BCAR3: variants seen among roughly 807,000 people sequenced by gnomAD.
The protein encoded by BCAR3 is breast cancer anti-estrogen resistance protein 3.
Under a neutral mutation model 80.1 loss-of-function variants are expected in BCAR3, and 37 were observed. That is an observed-to-expected ratio of 0.46 (90% CI 0.36 to 0.61). The LOEUF (loss-of-function observed/expected upper bound fraction) is 0.61. Ranked by LOEUF, BCAR3 falls within the 20% of genes least tolerant of loss-of-function variation. The pLI is 0.00. For missense variants in BCAR3, 978 were observed against 1,068.2 expected (o/e 0.92, Z 1.18); for synonymous variants, 389 against 418.9 (o/e 0.93, Z 0.87).
chr1:93,841,561 G>A (rs1219027232), intron 2 of BCAR3, among the ~76,000 whole-genome samples: 1 of 152,224 alleles, frequency 6.6e-6, no homozygotes, highest in Admixed American at 6.5e-5. Flanking sequence ...CCAGCCATGA[G>A]ATCTGGAATT....
At chr1:93,682,847 C>T (rs1457213129), upstream of BCAR3, among the ~76,000 whole-genome samples, 1 of 152,122 alleles carries the variant, frequency 6.6e-6, no homozygotes, top group Non-Finnish European at 1.5e-5. Flanking sequence ...GCCACCGCGC[C>T]CGGCCTCCAG....
intron 3 of BCAR3, among the ~76,000 whole-genome samples, chr1:93,688,580 TG>T (rs1353365724): frequency 1.2e-4 from 19 of 152,176 alleles, no homozygotes; most frequent in East Asian, 5.8e-4. Flanking sequence ...TATATATGTA[TG>T]TTTTTTTTTA....
intron 2 of BCAR3, among the ~76,000 whole-genome samples, chr1:93,744,797 G>C (rs1332846889): frequency 1.3e-5 from 2 of 152,208 alleles, no homozygotes; most frequent in Non-Finnish European, 2.9e-5. Context: ...AACGCAATGG[G>C]TTTCATGTCT....
intron 2 of BCAR3, among the ~76,000 whole-genome samples, chr1:93,784,368 C>T (rs922680749): frequency 6.6e-6 from 1 of 152,106 alleles, no homozygotes; most frequent in African/African-American, 2.4e-5. Context: ...GGAGCAGGAT[C>T]AAGTGGGGGA....
intron 2 of BCAR3, chr1:93,720,434 G>C (rs1043017841): frequency 6.6e-6 from 1 of 152,302 alleles, no homozygotes; most frequent in South Asian, 2.1e-4. Flanking sequence ...TAACTTTGGA[G>C]TATCCTTCTT....
chr1:93,833,004 C>T (rs1056592647), intron 2 of BCAR3, among the ~76,000 whole-genome samples: 9 of 152,102 alleles, frequency 5.9e-5, no homozygotes, highest in African/African-American at 2.2e-4. Flanking sequence ...CCTTACCATC[C>T]CATTAAAACC....
chr1:93,681,792 C>G lies in BCAR3; in HGVS notation c.-206G>C, dbSNP rs536939970. On this transcript the variant is annotated 5_prime_UTR_variant, in exon 1 of 12. Coordinates refer to ENST00000260502, the MANE Select transcript of BCAR3 (RefSeq NM_003567.4). ...CCGGTGCGCCCCGCAGCTCCGGCTC[C>G]GGTCCCGGCCCCGTCCCCCGCCCGG... The G allele has an allele frequency of 6.6e-6, 1 of 152,028 alleles. No homozygotes were observed. The highest frequency in any genetic ancestry group is 1.5e-5 in the Non-Finnish European group (1 of 68,034). The allele number at this position is 152,028 out of a possible 1,614,324, so 9.4% of individuals were successfully genotyped here. A position where few individuals can be genotyped will look rare whatever the true frequency, so the allele number is the denominator to read the frequency against.
At chr1:93,566,462 C>T (rs929609122) in intron 11 of BCAR3, among the ~76,000 whole-genome samples, 1 of 152,112 alleles carries the variant, frequency 6.6e-6, no homozygotes, top group Non-Finnish European at 1.5e-5. Flanking sequence ...CGGTGCCGCG[C>T]GCATGCCACA....
At chr1:93,728,284 T>G (rs909123336) in intron 2 of BCAR3, among the ~76,000 whole-genome samples, 3 of 152,186 alleles carry the variant, frequency 2.0e-5, no homozygotes, top group Non-Finnish European at 4.4e-5. Context: ...TGCTCAAACC[T>G]CTAGGGGAGC....
chr1:93,582,991 G>T (rs1415581873), intron 6 of BCAR3, 38 bp from the exon 7 acceptor site: 1 of 1,536,340 alleles, frequency 6.5e-7, no homozygotes, highest in Non-Finnish European at 8.7e-7. Context: ...AAGCTCATCT[G>T]TGTGGAGAAT....
At chr1:93,671,201 G>T (rs1452180035) in intron 2 of BCAR3, among the ~76,000 whole-genome samples, 1 of 152,046 alleles carries the variant, frequency 6.6e-6, no homozygotes, top group Non-Finnish European at 1.5e-5. Flanking sequence ...CGTCATGTTG[G>T]CCAGGATGGT....
intron 2 of BCAR3, among the ~76,000 whole-genome samples, chr1:93,796,517 C>G: frequency 6.6e-6 from 1 of 150,512 alleles, no homozygotes; most frequent in East Asian, 2.0e-4. Flanking sequence ...CTTCGGCTCG[C>G]GCACGGTGCG....
At chr1:93,729,901 A>G (rs891821601) in intron 2 of BCAR3, among the ~76,000 whole-genome samples, 11 of 152,238 alleles carry the variant, frequency 7.2e-5, no homozygotes, top group Non-Finnish European at 1.5e-4. Flanking sequence ...TTTCAGTTTT[A>G]GCACTTAATT....
intron 2 of BCAR3, among the ~76,000 whole-genome samples, chr1:93,818,946 T>C (rs1323398565): frequency 1.3e-5 from 2 of 152,208 alleles, no homozygotes; most frequent in African/African-American, 2.4e-5. Context: ...TGTTAGATAT[T>C]AGGTATCAGC....
rs899415056 is a variant in BCAR3 at position 93,618,871 on chromosome 1, C to T, written c.357+23433G>A. Among the ~76,000 whole-genome samples, 3 of 150,984 alleles carry T rather than the reference C, an allele frequency of 2.0e-5. No homozygotes were observed. In the South Asian group the frequency reaches 6.3e-4, roughly 32 times the overall value. ...ATTAGAACTTGTCCAATCCGCTTTA[C>T]TATGTTGTTCCGTTTTGCTCTGTTT... On this transcript the variant is annotated intron_variant, in intron 3 of 11. Transcript: ENST00000260502.
At chr1:93,657,717 T>C (rs779361728) in intron 2 of BCAR3, among the ~76,000 whole-genome samples, 4 of 151,088 alleles carry the variant, frequency 2.6e-5, no homozygotes, top group Non-Finnish European at 4.4e-5. Flanking sequence ...TTAAGTCTGA[T>C]GTATGGCCCA....
intron 2 of BCAR3, among the ~76,000 whole-genome samples, chr1:93,746,484 T>C (rs1651363250): frequency 6.6e-6 from 1 of 152,118 alleles, no homozygotes; most frequent in South Asian, 2.1e-4. Flanking sequence ...AAAAGAACAC[T>C]AATATCTTTT....
At position 93,582,453 on chromosome 1, in the gene BCAR3, C is replaced by G. The variant is rs751496023; in HGVS notation, c.1534G>C (p.Val512Leu). ...GEFVTPLLET[V>L]SSFRPNEFES... ...AACTCGTTGGGCCTGAAGGAGGAGA[C>G]AGTCTCCAGGAGGGGCGTCACAAAC... Residue 512 changes from valine to leucine, a missense_variant, in exon 7 of 12, where the codon GTC (valine) becomes CTC (leucine). Val to Leu is a conservative substitution (Grantham distance 32). Transcript: ENST00000260502. The G allele has an allele frequency of 2.5e-6, 4 of 1,614,196 alleles. No individual in the cohort carries two copies. Among genetic ancestry groups the G allele is most frequent in the South Asian group, 1.1e-5 (1 of 91,078 alleles).
chr1:93,609,893 G>T (rs1313113499), intron 3 of BCAR3, among the ~76,000 whole-genome samples: 1 of 152,204 alleles, frequency 6.6e-6, no homozygotes, highest in East Asian at 1.9e-4. Context: ...CTCCCTGCAG[G>T]AGGCCATCCC....
Sources: allele counts gnomAD v4.1 joint callset (sites outside exome capture counted in the v4.1 genomes callset), GRCh38; gene constraint gnomAD v4.1.1; transcripts MANE v1.5; gene names NCBI Gene and HGNC (gene_info 2026-07-23, HGNC 2026-07-21).